PDGFRA: variants seen among roughly 807,000 people sequenced by gnomAD.
PDGFRA encodes platelet derived growth factor receptor alpha, also known as platelet-derived growth factor receptor alpha.
In PDGFRA, 25 loss-of-function variants were observed where a neutral mutation model predicts 121.5. That is an observed-to-expected ratio of 0.21 (90% CI 0.15 to 0.29). PDGFRA has a LOEUF of 0.29. Among genes scored for constraint, PDGFRA ranks in the 10% least tolerant of loss-of-function variants. PDGFRA has a pLI of 1.00. For synonymous variants in PDGFRA, 463 were observed against 494.8 expected, an observed-to-expected ratio of 0.94 and a Z score of 0.85; for missense variants, 1,008 against 1,345.1, an observed-to-expected ratio of 0.75 and a Z score of 3.92.
At chr4:54,243,202 G>C (rs541107695) in intron 1 of PDGFRA, among the ~76,000 whole-genome samples, 1 of 152,142 alleles carries the variant, frequency 6.6e-6, no homozygotes, top group Non-Finnish European at 1.5e-5. Flanking sequence ...CTGTCTGATC[G>C]CATAGTGCAC....
intron 22 of PDGFRA, among the ~76,000 whole-genome samples, chr4:54,293,821 C>A (rs1175806517): frequency 6.6e-6 from 1 of 151,842 alleles, no homozygotes; most frequent in Non-Finnish European, 1.5e-5. Flanking sequence ...GAGACCATGC[C>A]CCAGTTCTCC....
At position 54,258,748 on chromosome 4, in the gene PDGFRA, C is replaced by T; in HGVS notation, c.-12-9C>T. 1 of 1,599,196 alleles carries T rather than the reference C, an allele frequency of 6.3e-7. No homozygotes were observed. Among genetic ancestry groups the T allele is most frequent in the Non-Finnish European group, 8.6e-7 (1 of 1,166,318 alleles). On this transcript the variant is annotated splice_polypyrimidine_tract_variant and intron_variant, in intron 1 of 22. Coordinates refer to ENST00000257290, the MANE Select transcript of PDGFRA (RefSeq NM_006206.6). ...TAATGCTGTTTCTGTTGACTTTTGACTTTTCTAGTTTCCCAGAGCTATGGG... is the reference window on the plus strand; with the variant it reads ...TAATGCTGTTTCTGTTGACTTTTGATTTTTCTAGTTTCCCAGAGCTATGGG...
intron 1 of PDGFRA, among the ~76,000 whole-genome samples, chr4:54,232,443 C>T (rs776979923): frequency 2.0e-5 from 3 of 152,226 alleles, no homozygotes; most frequent in Non-Finnish European, 4.4e-5. Context: ...AATGGGAAAC[C>T]CGACTTGGGG....
chr4:54,277,541 A>ATGGGT (rs1723808080), intron 13 of PDGFRA, 49 bp downstream of exon 13: 7 of 1,212,044 alleles, frequency 5.8e-6, no homozygotes, highest in Non-Finnish European at 8.6e-6. Context: ...TTTTTTGAGC[A>ATGGGT]TGGGGATATT....
chr4:54,292,652 A>G (rs955610194), intron 22 of PDGFRA, among the ~76,000 whole-genome samples: 1 of 152,188 alleles, frequency 6.6e-6, no homozygotes, highest in African/African-American at 2.4e-5. Flanking sequence ...CACATCCTGC[A>G]TATGTACCCC....
At position 54,257,089 on chromosome 4, in the gene PDGFRA, C is replaced by T. The variant is rs550750771; in HGVS notation, c.-12-1668C>T. ...CAATGAAGAAGGAAGCCGAAACCCA[C>T]CAAAACCAAGACGGTGATGAAAGTG... is the stretch of plus-strand genomic sequence containing the variant. On this transcript the variant is annotated intron_variant, in intron 1 of 22. Transcript: ENST00000257290. 2.8e-3 allele frequency among the ~76,000 whole-genome samples: 428 copies of T among 152,282 alleles called. 1 individual carries two copies. Among genetic ancestry groups the T allele is most frequent in the Non-Finnish European group, 3.7e-3 (250 of 68,008 alleles).
intron 1 of PDGFRA, among the ~76,000 whole-genome samples, chr4:54,245,297 T>C (rs1052076321): frequency 2.6e-5 from 4 of 152,160 alleles, no homozygotes; most frequent in Non-Finnish European, 4.4e-5. Flanking sequence ...GAAAAAATGT[T>C]AAGGGCAGCC....
rs991683337 is a variant in PDGFRA at position 54,267,608 on chromosome 4, C to T, written c.988C>T (p.His330Tyr). ...CAGCCAGTTGGAAGCTGTCAACCTG[C>T]ATGAAGTCAAACATTTTGTTGTAGA... is the stretch of plus-strand genomic sequence containing the variant. ...TFSQLEAVNL[H>Y]EVKHFVVEVR... The change falls in exon 7 of 23, where the codon CAT (histidine) becomes TAT (tyrosine). Residue 330 changes from histidine to tyrosine, a missense_variant. Around this residue, in one of 5 missense-constraint regions of PDGFRA, gnomAD observed 575 missense variants for 701.8 expected, o/e 0.82. Coordinates refer to ENST00000257290, the MANE Select transcript of PDGFRA (RefSeq NM_006206.6). The T allele has an allele frequency of 2.5e-6, 4 of 1,614,068 alleles. No homozygotes were observed. Among genetic ancestry groups the T allele is most frequent in the African/African-American group, 1.3e-5 (1 of 74,942 alleles).
rs1057423593 is a variant in PDGFRA, at chr4:54,258,646, G to A, written c.-12-111G>A. 3.1e-5 allele frequency: 24 copies of A among 785,858 alleles called. No homozygotes were observed. In the Admixed American group the frequency reaches 4.2e-4, roughly 14 times the overall value. The allele number at this position is 785,858 out of a possible 1,614,324, so 48.7% of individuals were successfully genotyped here. On this transcript the variant is annotated intron_variant, in intron 1 of 22. Transcript: ENST00000257290. Reference sequence around the variant, plus strand: ...TTGAATTTTAACCTGGGACATGTTTGACTAAAATGATGCTGTTAATATTTT... The same window carrying A: ...TTGAATTTTAACCTGGGACATGTTTAACTAAAATGATGCTGTTAATATTTT...
Position 54,240,990 on chromosome 4 carries a change from G to A in PDGFRA, c.-13+11575G>A, listed in dbSNP as rs145480580. On this transcript the variant is annotated intron_variant, in intron 1 of 22. Transcript: ENST00000257290. ...TTATGTTATATATTGTATCTACAGG[G>A]TACCAAATTGGCTTATAAATAAAAG... is the stretch of plus-strand genomic sequence containing the variant. 8.8e-3 allele frequency among the ~76,000 whole-genome samples: 1,332 copies of A among 152,208 alleles called. 9 individuals carry two copies. The highest frequency in any genetic ancestry group is 0.014 in the Non-Finnish European group (928 of 68,012).
At chr4:54,270,198 A>T (rs190275020) in intron 7 of PDGFRA, among the ~76,000 whole-genome samples, 74 of 152,314 alleles carry the variant, frequency 4.9e-4, no homozygotes, top group Non-Finnish European at 8.7e-4. Flanking sequence ...ATACATAGAA[A>T]GTGTCCTCAT....
intron 2 of PDGFRA, among the ~76,000 whole-genome samples, chr4:54,259,062 G>A (rs1722538030): frequency 6.6e-6 from 1 of 152,166 alleles, no homozygotes; most frequent in Admixed American, 6.5e-5. Context: ...TGTTGGCATT[G>A]AAATGTTGTT....
chr4:54,245,646 C>A (rs1441680000), intron 1 of PDGFRA, among the ~76,000 whole-genome samples: 1 of 152,014 alleles, frequency 6.6e-6, no homozygotes, highest in African/African-American at 2.4e-5. Flanking sequence ...TAGGAAGAAA[C>A]TGCATCAACT....
chr4:54,285,312 GC>G, intron 16 of PDGFRA, 58 bp from the exon 17 acceptor site: 1 of 796,650 alleles, frequency 1.3e-6, no homozygotes, highest in South Asian at 1.3e-5. Flanking sequence ...GCATGCCTCT[GC>G]AACCTGATGA....
At position 54,290,417 on chromosome 4, in the gene PDGFRA, C is replaced by T. The variant is rs138801854; in HGVS notation, c.2985C>T (p.Asn995=). ...DNAYIGVTYK[N]EEDKLKDWEG... Reference sequence around the variant, plus strand: ...CATACATTGGTGTCACCTACAAAAACGAGGAAGACAAGCTGAAGGACTGGG... The same window carrying T: ...CATACATTGGTGTCACCTACAAAAATGAGGAAGACAAGCTGAAGGACTGGG... The change falls in exon 22 of 23, where the codon AAC becomes AAT. Residue 995 remains asparagine (N), a synonymous_variant. Coordinates refer to ENST00000257290, the MANE Select transcript of PDGFRA (RefSeq NM_006206.6). 70 of 1,613,816 alleles carry T rather than the reference C, an allele frequency of 4.3e-5. No individual in the cohort carries two copies. The highest frequency in any genetic ancestry group is 2.1e-4 in the South Asian group (19 of 91,078).
chr4:54,266,899 T>C (rs895980605), intron 5 of PDGFRA, among the ~76,000 whole-genome samples: 7 of 152,170 alleles, frequency 4.6e-5, no homozygotes. Context: ...GGAGGATCAC[T>C]TGAACCCAGG....
chr4:54,239,582 G>A (rs776077455), intron 1 of PDGFRA, among the ~76,000 whole-genome samples: 4 of 152,180 alleles, frequency 2.6e-5, no homozygotes, highest in Non-Finnish European at 5.9e-5. Flanking sequence ...ACCGGTGGGT[G>A]AGTCTCTCCT....
At chr4:54,284,879 C>T (rs1446818893) in intron 16 of PDGFRA, among the ~76,000 whole-genome samples, 3 of 101,238 alleles carry the variant, frequency 3.0e-5, no homozygotes, top group Non-Finnish European at 5.5e-5. Flanking sequence ...TTCTTTCTAT[C>T]TTTTTTTTTT....
At chr4:54,238,593 G>T (rs1413992579) in intron 1 of PDGFRA, among the ~76,000 whole-genome samples, 1 of 152,166 alleles carries the variant, frequency 6.6e-6, no homozygotes, top group Non-Finnish European at 1.5e-5. Context: ...TTCCCAGGAG[G>T]TTACACATTT....
Sources: gnomAD v4.1 joint callset for allele counts (sites outside exome capture counted in the v4.1 genomes callset) on GRCh38, gnomAD v4.1.1 for gene constraint, gnomAD v4.1.1 regional missense constraint, MANE v1.5 for transcripts, NCBI Gene and HGNC (gene_info 2026-07-23, HGNC 2026-07-21) for gene names.